The following LSAMP variants were observed in gnomAD, a reference collection of about 807,000 sequenced individuals.
The protein encoded by LSAMP is limbic system-associated membrane protein.
In LSAMP, 7 loss-of-function variants were observed where a neutral mutation model predicts 38.6. The ratio of observed to expected loss-of-function variants is 0.18; its 90% CI spans 0.10 to 0.34. The LOEUF is 0.34. LSAMP is among the 10% of genes least tolerant of loss of function. The pLI is 1.00. For missense variants in LSAMP, 313 were observed against 420.0 expected, an observed-to-expected ratio of 0.75 and a Z score of 2.23; for synonymous variants, 154 against 166.8, an observed-to-expected ratio of 0.92 and a Z score of 0.59.
chr3:116,089,755 G>A (rs1708077098), intron 1 of LSAMP, among the ~76,000 whole-genome samples: 2 of 151,172 alleles, frequency 1.3e-5, no homozygotes, highest in South Asian at 4.2e-4. Flanking sequence ...ACCATTTCAA[G>A]GAGAAATTTG....
chr3:116,312,264 T>C (rs1401480861), intron 1 of LSAMP, among the ~76,000 whole-genome samples: 7 of 152,234 alleles, frequency 4.6e-5, no homozygotes. Context: ...GGAGGCTGGC[T>C]GCAGATGGCA....
At chr3:115,987,377 G>A (rs573545572) in intron 3 of LSAMP, among the ~76,000 whole-genome samples, 8 of 152,238 alleles carry the variant, frequency 5.3e-5, no homozygotes, top group African/African-American at 1.7e-4. Flanking sequence ...TTTTTCCAAT[G>A]GCAGAGCTGC....
intron 6 of LSAMP, among the ~76,000 whole-genome samples, chr3:115,819,736 A>T (rs536456338): frequency 1.3e-4 from 20 of 152,328 alleles, no homozygotes; most frequent in Non-Finnish European, 2.5e-4. Flanking sequence ...TTGCCAGTTA[A>T]ATGTTAAGTA....
rs959347281 is a variant in LSAMP at position 115,806,976 on chromosome 3, C to G, written c.*3341G>C. 6.6e-6 allele frequency: 1 copy of G among 152,080 alleles called. No homozygotes were observed. Among genetic ancestry groups the G allele is most frequent in the African/African-American group, 2.4e-5 (1 of 41,392 alleles). 9.4% of individuals were successfully genotyped at this position (152,080 alleles called of 1,614,324 possible). A position where few individuals can be genotyped will look rare whatever the true frequency, so the allele number is the denominator to read the frequency against. On this transcript the variant is annotated 3_prime_UTR_variant, in exon 7 of 7. Transcript: ENST00000490035. ...AGTTGGGTCTAAGGATTTCCTTTTA[C>G]GAATGGTGGAGTTTTACTTTGTATA...
chr3:116,106,167 G>C (rs1163113210), intron 1 of LSAMP, among the ~76,000 whole-genome samples: 1 of 152,184 alleles, frequency 6.6e-6, no homozygotes, highest in Non-Finnish European at 1.5e-5. Context: ...AGGAGATTCA[G>C]CATAGTCCTG....
intron 1 of LSAMP, among the ~76,000 whole-genome samples, chr3:116,164,743 C>CAAATATAT (rs1710001495): frequency 6.2e-5 from 3 of 48,432 alleles, no homozygotes; most frequent in African/African-American, 2.4e-4. Context: ...TATATATATC[C>CAAATATAT]ATATATATAT....
At chr3:116,149,758 G>A (rs565902825) in intron 1 of LSAMP, among the ~76,000 whole-genome samples, 19 of 151,998 alleles carry the variant, frequency 1.3e-4, no homozygotes, top group African/African-American at 4.6e-4. Flanking sequence ...TTGTTGTAAT[G>A]GTGATGTACT....
chr3:116,378,458 G>T (rs1477675610), intron 1 of LSAMP, among the ~76,000 whole-genome samples: 1 of 152,046 alleles, frequency 6.6e-6, no homozygotes, highest in Non-Finnish European at 1.5e-5. Context: ...CTCTCTCAAA[G>T]AGTTTAGGTT....
At chr3:116,145,067 C>T (rs191423194) in intron 1 of LSAMP, among the ~76,000 whole-genome samples, 25 of 151,898 alleles carry the variant, frequency 1.6e-4, no homozygotes, top group African/African-American at 5.1e-4. Flanking sequence ...TTAATATTAT[C>T]GCTTTTTCTT....
chr3:115,958,289 A>G (rs1209232877), intron 3 of LSAMP, among the ~76,000 whole-genome samples: 1 of 152,196 alleles, frequency 6.6e-6, no homozygotes, highest in African/African-American at 2.4e-5. Flanking sequence ...ATAATTATTG[A>G]GATGCTAATT....
chr3:116,062,460 G>T (rs1941610480), intron 2 of LSAMP, among the ~76,000 whole-genome samples: 1 of 152,164 alleles, frequency 6.6e-6, no homozygotes. Context: ...AGGTTGCGGT[G>T]AGCCGGGATT....
At chr3:116,220,907 C>A (rs1392422314) in intron 1 of LSAMP, among the ~76,000 whole-genome samples, 2 of 152,134 alleles carry the variant, frequency 1.3e-5, no homozygotes, top group Non-Finnish European at 2.9e-5. Flanking sequence ...GTAATCCCAG[C>A]ACTTTGGGAG....
At chr3:116,370,365 G>A (rs2107790534) in intron 1 of LSAMP, among the ~76,000 whole-genome samples, 1 of 152,280 alleles carries the variant, frequency 6.6e-6, no homozygotes, top group South Asian at 2.1e-4. Flanking sequence ...CCAGAAATCT[G>A]TCCCTTTACC....
intron 2 of LSAMP, among the ~76,000 whole-genome samples, chr3:116,056,134 T>C (rs1021433813): frequency 9.9e-5 from 15 of 152,130 alleles, no homozygotes; most frequent in Non-Finnish European, 1.8e-4. Context: ...TCATGTATTA[T>C]TTATTTATTT....
At chr3:115,968,015 T>C (rs1010789500) in intron 3 of LSAMP, among the ~76,000 whole-genome samples, 1 of 152,062 alleles carries the variant, frequency 6.6e-6, no homozygotes, top group Non-Finnish European at 1.5e-5. Flanking sequence ...CTACCATTGA[T>C]GTTCACTCAA....
At chr3:116,395,475 G>A (rs944839364) in intron 1 of LSAMP, among the ~76,000 whole-genome samples, 3 of 152,172 alleles carry the variant, frequency 2.0e-5, no homozygotes, top group Non-Finnish European at 4.4e-5. Flanking sequence ...ATTATTAAAT[G>A]CAAATAAAAC....
chr3:115,884,695 C>T (rs1936407747), intron 3 of LSAMP, among the ~76,000 whole-genome samples: 3 of 152,022 alleles, frequency 2.0e-5, no homozygotes, highest in Non-Finnish European at 1.5e-5. Context: ...TTTACAAATA[C>T]GAGCAGAAGT....
intron 3 of LSAMP, among the ~76,000 whole-genome samples, chr3:115,895,775 T>C (rs1426006727): frequency 6.6e-6 from 1 of 152,142 alleles, no homozygotes; most frequent in Non-Finnish European, 1.5e-5. Context: ...AATGATTTAT[T>C]CTGTAGAGAA....
intron 2 of LSAMP, among the ~76,000 whole-genome samples, chr3:116,049,116 G>T (rs1941345269): frequency 6.6e-6 from 1 of 152,168 alleles, no homozygotes; most frequent in Non-Finnish European, 1.5e-5. Context: ...GCATTGAAAT[G>T]CTCAACCAGA....
Sources: allele counts gnomAD v4.1 joint callset (sites outside exome capture counted in the v4.1 genomes callset), GRCh38; gene constraint gnomAD v4.1.1; transcripts MANE v1.5; gene names NCBI Gene and HGNC (gene_info 2026-07-23, HGNC 2026-07-21).